The following CSMD1 variants were observed in gnomAD, a reference collection of about 807,000 sequenced individuals.
CSMD1 encodes the protein CUB and sushi domain-containing protein 1.
A neutral mutation model predicts 417.5 loss-of-function variants in CSMD1; 213 were observed. That is an observed-to-expected ratio of 0.51 (90% CI 0.46 to 0.57). The LOEUF (loss-of-function observed/expected upper bound fraction) is 0.57. CSMD1 is among the 20% of genes least tolerant of loss of function. The pLI is 0.00. For synonymous variants in CSMD1, 2,862 were observed against 1,736.8 expected, an observed-to-expected ratio of 1.65 and a Z score of -16.11; for missense variants, 6,923 against 4,529.7, an observed-to-expected ratio of 1.53 and a Z score of -15.17.
chr8:4,799,101 G>C (rs987928283), intron 1 of CSMD1, among the ~76,000 whole-genome samples: 1 of 152,110 alleles, frequency 6.6e-6, no homozygotes, highest in Admixed American at 6.5e-5. Flanking sequence ...CTTTCCTTCC[G>C]GGCCATGGGT....
chr8:3,413,809 T>C (rs948482731), intron 12 of CSMD1, among the ~76,000 whole-genome samples: 1 of 152,082 alleles, frequency 6.6e-6, no homozygotes, highest in Non-Finnish European at 1.5e-5. Flanking sequence ...CCCCCTTCTC[T>C]CTATGTCAGA....
chr8:4,188,493 C>A (rs1013021102), intron 3 of CSMD1, among the ~76,000 whole-genome samples: 3 of 152,054 alleles, frequency 2.0e-5, no homozygotes, highest in African/African-American at 4.8e-5. Flanking sequence ...CATGGTTAAA[C>A]CTGGTCACAA....
At chr8:4,135,476 C>G (rs1177544267) in intron 3 of CSMD1, among the ~76,000 whole-genome samples, 1 of 151,776 alleles carries the variant, frequency 6.6e-6, no homozygotes, top group African/African-American at 2.4e-5. Context: ...ATAACTTACA[C>G]ACTAAATATC....
At chr8:3,913,572 C>G (rs1160582584) in intron 5 of CSMD1, among the ~76,000 whole-genome samples, 3 of 152,082 alleles carry the variant, frequency 2.0e-5, no homozygotes, top group Admixed American at 6.5e-5. Flanking sequence ...AGAATACGGT[C>G]AGTGAGTTCC....
chr8:3,286,453 AG>A (rs1803166238), intron 25 of CSMD1, among the ~76,000 whole-genome samples: 1 of 152,014 alleles, frequency 6.6e-6, no homozygotes. Flanking sequence ...AGAGTGTGAA[AG>A]TGTTCCTATT....
intron 3 of CSMD1, among the ~76,000 whole-genome samples, chr8:4,415,471 C>T (rs570974958): frequency 9.1e-4 from 138 of 152,296 alleles, no homozygotes; most frequent in African/African-American, 3.2e-3. Flanking sequence ...TGAGCCCACT[C>T]TGTGATGGCC....
chr8:4,606,167 CAT>C (rs760925210), intron 2 of CSMD1, among the ~76,000 whole-genome samples: 4 of 152,308 alleles, frequency 2.6e-5, no homozygotes. Context: ...CCGCAGGACA[CAT>C]AACTGTCACT....
At chr8:2,982,770 A>G (rs1805534169) in intron 54 of CSMD1, among the ~76,000 whole-genome samples, 1 of 152,230 alleles carries the variant, frequency 6.6e-6, no homozygotes, top group South Asian at 2.1e-4. Flanking sequence ...CCAGAACCCA[A>G]AGCAATGGCA....
chr8:4,262,061 C>A (rs901922325), intron 3 of CSMD1, among the ~76,000 whole-genome samples: 3 of 152,064 alleles, frequency 2.0e-5, no homozygotes, highest in African/African-American at 7.2e-5. Flanking sequence ...TTTAGATTTA[C>A]CTTGATTTTT....
chr8:3,555,300 T>C (rs1232255403), intron 10 of CSMD1, among the ~76,000 whole-genome samples: 4 of 152,156 alleles, frequency 2.6e-5, no homozygotes, highest in Non-Finnish European at 5.9e-5. Flanking sequence ...ATTTCAATAC[T>C]GAGGCTCACA....
At chr8:4,059,520 G>T (rs187844453) in intron 3 of CSMD1, among the ~76,000 whole-genome samples, 28 of 152,058 alleles carry the variant, frequency 1.8e-4, no homozygotes, top group Admixed American at 1.6e-3. Context: ...TTTTTGAAAG[G>T]ATCAACAAAA....
intron 5 of CSMD1, among the ~76,000 whole-genome samples, chr8:3,996,076 C>G (rs1036695058): frequency 1.3e-5 from 2 of 152,194 alleles, no homozygotes; most frequent in Non-Finnish European, 2.9e-5. Flanking sequence ...TCAGAACACG[C>G]TTCTCATCAC....
At chr8:4,161,272 A>C (rs1048048697) in intron 3 of CSMD1, among the ~76,000 whole-genome samples, 7 of 152,220 alleles carry the variant, frequency 4.6e-5, no homozygotes, top group African/African-American at 1.4e-4. Flanking sequence ...CCTTAGAAAC[A>C]TTACATAACT....
chr8:4,172,196 G>A (rs1011829559), intron 3 of CSMD1, among the ~76,000 whole-genome samples: 3 of 151,918 alleles, frequency 2.0e-5, no homozygotes, highest in African/African-American at 4.8e-5. Context: ...AAAACTCTAC[G>A]CCATCTAAAA....
intron 3 of CSMD1, among the ~76,000 whole-genome samples, chr8:4,077,706 G>T (rs551277795): frequency 6.6e-6 from 1 of 152,070 alleles, no homozygotes; most frequent in African/African-American, 2.4e-5. Context: ...TTTAATTCTT[G>T]TTTCTTACCA....
At chr8:3,594,099 A>G (rs1022013298) in intron 8 of CSMD1, among the ~76,000 whole-genome samples, 2 of 152,220 alleles carry the variant, frequency 1.3e-5, no homozygotes, top group Non-Finnish European at 2.9e-5. Flanking sequence ...ATTCTTCAGC[A>G]TCTTGAAAAC....
At chr8:3,425,621 A>G (rs924144968) in intron 12 of CSMD1, among the ~76,000 whole-genome samples, 1 of 149,548 alleles carries the variant, frequency 6.7e-6, no homozygotes, top group Non-Finnish European at 1.5e-5. Flanking sequence ...AGAAAAAAGG[A>G]AAAAAAAGGA....
At chr8:3,634,081 G>A (rs1439220317) in intron 7 of CSMD1, among the ~76,000 whole-genome samples, 2 of 152,000 alleles carry the variant, frequency 1.3e-5, no homozygotes, top group African/African-American at 2.4e-5. Flanking sequence ...GTGGTGGGGG[G>A]AGGGGGCCGT....
chr8:4,461,796 A>G (rs1407053958), intron 2 of CSMD1, among the ~76,000 whole-genome samples: 2 of 144,060 alleles, frequency 1.4e-5, no homozygotes, highest in Middle Eastern at 3.5e-3. Context: ...GCTGGAGTGC[A>G]GTAGTACGAT....
Sources: gnomAD v4.1 joint callset for allele counts (sites outside exome capture counted in the v4.1 genomes callset) on GRCh38, gnomAD v4.1.1 for gene constraint, MANE v1.5 for transcripts, NCBI Gene and HGNC (gene_info 2026-07-23, HGNC 2026-07-21) for gene names.